Variants in ELF1 observed in about 807,000 individuals in gnomAD.
ELF1 encodes ETS-related transcription factor Elf-1.
A neutral mutation model predicts 59.9 loss-of-function variants in ELF1; 24 were observed. The ratio of observed to expected loss-of-function variants is 0.40; its 90% CI spans 0.29 to 0.56. The LOEUF is 0.56. ELF1 is among the 20% of genes least tolerant of loss of function. The pLI, the probability that ELF1 is intolerant of heterozygous loss-of-function variation, is 0.44. For missense variants in ELF1, 627 were observed against 742.2 expected (o/e 0.84, Z 1.80); for synonymous variants, 248 against 266.2 (o/e 0.93, Z 0.67).
At chr13:40,953,553 T>C (rs1027849768) in intron 3 of ELF1, among the ~76,000 whole-genome samples, 2 of 152,166 alleles carry the variant, frequency 1.3e-5, no homozygotes, top group African/African-American at 4.8e-5. Flanking sequence ...TCTACCAATA[T>C]CTTGATCTCA....
chr13:41,050,549 A>C (rs1334897725), intron 1 of ELF1, among the ~76,000 whole-genome samples: 1 of 152,170 alleles, frequency 6.6e-6, no homozygotes, highest in Non-Finnish European at 1.5e-5. Context: ...GATTATGATA[A>C]TTCTCTTTCA....
chr13:40,988,809 T>A (rs1407439599), intron 1 of ELF1, among the ~76,000 whole-genome samples: 1 of 152,228 alleles, frequency 6.6e-6, no homozygotes, highest in Non-Finnish European at 1.5e-5. Context: ...TAGTTCTTTT[T>A]TTTCTTTTTG....
At chr13:40,976,333 A>G (rs2138252176) in intron 2 of ELF1, among the ~76,000 whole-genome samples, 1 of 152,354 alleles carries the variant, frequency 6.6e-6, no homozygotes, top group African/African-American at 2.4e-5. Context: ...CCTCTTCTTC[A>G]TCTGTCAGAT....
At chr13:40,995,196 C>T (rs147285972) in intron 1 of ELF1, among the ~76,000 whole-genome samples, 2 of 152,312 alleles carry the variant, frequency 1.3e-5, no homozygotes, top group African/African-American at 4.8e-5. Context: ...ATTTGATCGG[C>T]CCTTACTACC....
At chr13:40,972,746 T>G (rs1872644939) in intron 2 of ELF1, among the ~76,000 whole-genome samples, 1 of 152,162 alleles carries the variant, frequency 6.6e-6, no homozygotes, top group Non-Finnish European at 1.5e-5. Flanking sequence ...TTGTCTAAAG[T>G]TACACAGCTA....
At chr13:40,987,584 C>CAAAAAAAAAAAAAAAAAAAA (rs374604821) in intron 1 of ELF1, among the ~76,000 whole-genome samples, 1 of 68,400 alleles carries the variant, frequency 1.5e-5, no homozygotes, top group East Asian at 3.1e-4. Flanking sequence ...GACTCTGTCT[C>CAAAAAAAAAAAAAAAAAAAA]AAAAAAAAAA....
chr13:41,059,479 G>A (rs1277233139), intron 1 of ELF1, among the ~76,000 whole-genome samples: 1 of 152,134 alleles, frequency 6.6e-6, no homozygotes, highest in Non-Finnish European at 1.5e-5. Context: ...TAATCACGCA[G>A]ATCACATTAA....
intron 8 of ELF1, among the ~76,000 whole-genome samples, chr13:40,939,178 A>T (rs1869976032): frequency 6.6e-6 from 1 of 152,118 alleles, no homozygotes. Context: ...TTAAAAAATT[A>T]GCTGGACATG....
At chr13:40,946,701 C>T (rs574157040) in intron 5 of ELF1, among the ~76,000 whole-genome samples, 36 of 152,230 alleles carry the variant, frequency 2.4e-4, no homozygotes, top group African/African-American at 7.2e-4. Context: ...ATAAACACAA[C>T]AAGCATGAAG....
At chr13:40,954,729 C>T (rs914198602) in intron 3 of ELF1, among the ~76,000 whole-genome samples, 4 of 151,636 alleles carry the variant, frequency 2.6e-5, no homozygotes, top group Non-Finnish European at 4.4e-5. Flanking sequence ...GGATGGCAGA[C>T]GGAGTCGCGT....
chr13:40,964,684 A>C (rs920157579), intron 2 of ELF1, among the ~76,000 whole-genome samples: 1 of 152,004 alleles, frequency 6.6e-6, no homozygotes, highest in Non-Finnish European at 1.5e-5. Flanking sequence ...ACAGGCATGC[A>C]CCATTACGCC....
intron 7 of ELF1, among the ~76,000 whole-genome samples, chr13:40,942,281 A>C (rs1870220978): frequency 6.6e-6 from 1 of 152,216 alleles, no homozygotes; most frequent in South Asian, 2.1e-4. Context: ...GCTAAATTTT[A>C]TATCTATATC....
At chr13:41,061,239 C>T (rs1387562123) in exon 1 of ELF1, 1 of 237,694 alleles carries the variant, frequency 4.2e-6, no homozygotes, top group Non-Finnish European at 8.5e-6. Flanking sequence ...GCGGAGGCGG[C>T]GCGCTGAGCT....
Position 40,959,000 on chromosome 13 carries a change from A to C in ELF1, c.89T>G (p.Ile30Ser), listed in dbSNP as rs1871636535. 4 of 1,611,578 alleles carry C rather than the reference A, an allele frequency of 2.5e-6. No individual in the cohort carries two copies. Among genetic ancestry groups the C allele is most frequent in the Non-Finnish European group, 3.4e-6 (4 of 1,178,846 alleles). Residue 30 changes from isoleucine (I) to serine (S), a missense_variant, in exon 3 of 9, where the codon ATT becomes AGT. Around this residue, in one of 3 missense-constraint regions of ELF1, gnomAD observed 232 missense variants for 269.2 expected, o/e 0.86. Coordinates refer to ENST00000239882, the MANE Select transcript of ELF1 (RefSeq NM_172373.4). ...EDERQLGDPA[I>S]FPAVIVEHVP... ...ATGTTCCACAATTACGGCAGGAAAA[A>C]TAGCTGGATCACCAAGCTGGGAAGG...
intron 2 of ELF1, among the ~76,000 whole-genome samples, chr13:40,966,704 A>G (rs1872194287): frequency 6.6e-6 from 1 of 152,224 alleles, no homozygotes; most frequent in Non-Finnish European, 1.5e-5. Flanking sequence ...GAACTTTCAT[A>G]TAACTTGTTT....
chr13:40,981,498 C>T (rs1873266446), intron 2 of ELF1, among the ~76,000 whole-genome samples: 1 of 152,092 alleles, frequency 6.6e-6, no homozygotes, highest in Admixed American at 6.6e-5. Flanking sequence ...TCCCCTCATT[C>T]TGCAGATGAT....
intron 5 of ELF1, among the ~76,000 whole-genome samples, chr13:40,946,980 C>G (rs1308031644): frequency 6.6e-6 from 1 of 152,112 alleles, no homozygotes; most frequent in East Asian, 1.9e-4. Context: ...TGGCTTCCCT[C>G]TTTTAGCACA....
rs192998812 is a variant in ELF1 at position 41,002,246 on chromosome 13, G to C, written c.-229+16982C>G. 2.0e-5 allele frequency among the ~76,000 whole-genome samples: 3 copies of C among 152,190 alleles called. No homozygotes were observed. In the East Asian group the frequency reaches 5.8e-4, roughly 29 times the overall value. ...ACTGAAATGTGACACTGTGTACTGG[G>C]ATTTTTAAAAACATCCCCTTTATAA... On this transcript the variant is annotated intron_variant, in intron 1 of 8. Transcript: ENST00000239882.
intron 1 of ELF1, among the ~76,000 whole-genome samples, chr13:40,986,499 T>C (rs1873554406): frequency 6.6e-6 from 1 of 152,254 alleles, no homozygotes. Context: ...GGGTCATTTC[T>C]GTACTCCCTG....
Sources: allele counts gnomAD v4.1 joint callset (sites outside exome capture counted in the v4.1 genomes callset), GRCh38; gene constraint gnomAD v4.1.1; regional missense constraint gnomAD v4.1.1; transcripts MANE v1.5; gene names NCBI Gene and HGNC (gene_info 2026-07-23, HGNC 2026-07-21).